The following GRM5 variants were observed in gnomAD, a reference collection of about 807,000 sequenced individuals.
GRM5 encodes glutamate metabotropic receptor 5, also known as metabotropic glutamate receptor 5.
A neutral mutation model predicts 83.1 loss-of-function variants in GRM5; 19 were observed. The ratio of observed to expected loss-of-function variants is 0.23; its 90% CI spans 0.16 to 0.34. The LOEUF (loss-of-function observed/expected upper bound fraction) is 0.34. Ranked by LOEUF, GRM5 falls within the 10% of genes least tolerant of loss-of-function variation. GRM5 has a pLI of 1.00. For missense variants in GRM5, 1,160 were observed against 1,588.3 expected, an observed-to-expected ratio of 0.73 and a Z score of 4.58; for synonymous variants, 675 against 633.6, an observed-to-expected ratio of 1.07 and a Z score of -0.98.
At chr11:88,765,194 T>C (rs1288487925) in intron 3 of GRM5, among the ~76,000 whole-genome samples, 1 of 151,292 alleles carries the variant, frequency 6.6e-6, no homozygotes, top group East Asian at 1.9e-4. Context: ...AGTAAGGATA[T>C]TGAGTCTGTA....
At chr11:88,599,874 G>T (rs180840061) in intron 5 of GRM5, among the ~76,000 whole-genome samples, 1 of 152,038 alleles carries the variant, frequency 6.6e-6, no homozygotes, top group Non-Finnish European at 1.5e-5. Flanking sequence ...TTAGCCGGGC[G>T]TGGTGGCAGG....
chr11:89,009,481 A>T (rs1940621768), intron 2 of GRM5, among the ~76,000 whole-genome samples: 1 of 152,212 alleles, frequency 6.6e-6, no homozygotes, highest in African/African-American at 2.4e-5. Context: ...AGATGAGAAA[A>T]CTAGGACTCA....
At chr11:88,851,674 C>T (rs1028740194) in intron 2 of GRM5, among the ~76,000 whole-genome samples, 1 of 152,208 alleles carries the variant, frequency 6.6e-6, no homozygotes, top group Admixed American at 6.5e-5. Flanking sequence ...TACCATACCA[C>T]AGGTACCTTG....
intron 2 of GRM5, among the ~76,000 whole-genome samples, chr11:88,987,386 G>A (rs1285336996): frequency 1.3e-5 from 2 of 152,162 alleles, no homozygotes; most frequent in Admixed American, 6.5e-5. Context: ...CTGATTGCTA[G>A]CACAGCAGTC....
chr11:88,593,788 CTCTCTTTT>C (rs142722149), intron 6 of GRM5, among the ~76,000 whole-genome samples: 74,491 of 142,190 alleles, frequency 0.52, 23,108 homozygotes, highest in South Asian at 0.77. Context: ...CTCTCTCTTT[CTCTCTTTT>C]TCTCTTTCTT....
intron 2 of GRM5, among the ~76,000 whole-genome samples, chr11:89,044,913 T>C (rs1244534570): frequency 6.6e-6 from 1 of 152,026 alleles, no homozygotes; most frequent in Non-Finnish European, 1.5e-5. Flanking sequence ...TGTATCCTGT[T>C]TGACTCTCAC....
chr11:88,598,375 T>C (rs1424835842), intron 5 of GRM5, among the ~76,000 whole-genome samples: 1 of 152,130 alleles, frequency 6.6e-6, no homozygotes, highest in Non-Finnish European at 1.5e-5. Flanking sequence ...CATCAATCTA[T>C]TGAAACTTAT....
chr11:88,906,071 T>C (rs571995854), intron 2 of GRM5, among the ~76,000 whole-genome samples: 103 of 152,332 alleles, frequency 6.8e-4, no homozygotes, highest in African/African-American at 2.4e-3. Context: ...AAGAGAAAGC[T>C]GAGTTATATT....
intron 3 of GRM5, among the ~76,000 whole-genome samples, chr11:88,729,287 G>C (rs1466407832): frequency 6.6e-6 from 1 of 151,618 alleles, no homozygotes; most frequent in African/African-American, 2.4e-5. Flanking sequence ...TTGCTACAAA[G>C]AGAATAAAAT....
At chr11:88,781,165 T>A (rs1269698215) in intron 3 of GRM5, among the ~76,000 whole-genome samples, 2 of 149,716 alleles carry the variant, frequency 1.3e-5, no homozygotes, top group African/African-American at 4.9e-5. Context: ...ATTTGGTGTA[T>A]CCTTTTGTGC....
At chr11:88,972,654 A>C (rs1225435799) in intron 2 of GRM5, among the ~76,000 whole-genome samples, 1 of 152,178 alleles carries the variant, frequency 6.6e-6, no homozygotes, top group African/African-American at 2.4e-5. Flanking sequence ...TCATTCAGGC[A>C]GAATTCATCA....
chr11:88,747,548 A>T (rs1033534682), intron 3 of GRM5, among the ~76,000 whole-genome samples: 2 of 152,176 alleles, frequency 1.3e-5, no homozygotes, highest in Non-Finnish European at 2.9e-5. Flanking sequence ...AAGTGTAAGG[A>T]CTACAAAGTG....
intron 8 of GRM5, among the ~76,000 whole-genome samples, chr11:88,556,534 G>A (rs759189021): frequency 4.6e-5 from 7 of 151,916 alleles, no homozygotes; most frequent in Non-Finnish European, 1.0e-4. Flanking sequence ...TGTTGGTCAG[G>A]CTGGTCTTAA....
intron 2 of GRM5, among the ~76,000 whole-genome samples, chr11:88,951,449 T>A (rs182125477): frequency 2.0e-5 from 3 of 152,362 alleles, no homozygotes; most frequent in Non-Finnish European, 4.4e-5. Flanking sequence ...TGTCTGCCAC[T>A]GAGCCTGCTG....
chr11:89,046,543 CA>C (rs552502968), intron 2 of GRM5, among the ~76,000 whole-genome samples: 270 of 152,276 alleles, frequency 1.8e-3, no homozygotes, highest in Non-Finnish European at 3.3e-3. Flanking sequence ...TATAAAACAT[CA>C]GTCAGATTTT....
intron 2 of GRM5, among the ~76,000 whole-genome samples, chr11:88,994,276 G>T (rs1194394139): frequency 1.3e-5 from 2 of 151,020 alleles, no homozygotes; most frequent in East Asian, 3.9e-4. Context: ...TGGATTAGAA[G>T]AATTAATATT....
chr11:88,637,127 A>G (rs1939150507), intron 4 of GRM5, among the ~76,000 whole-genome samples: 1 of 152,168 alleles, frequency 6.6e-6, no homozygotes, highest in African/African-American at 2.4e-5. Context: ...CATTGAATCT[A>G]TAAATTACCT....
At chr11:88,588,458 A>C (rs528703072) in intron 7 of GRM5, among the ~76,000 whole-genome samples, 1 of 152,272 alleles carries the variant, frequency 6.6e-6, no homozygotes, top group Admixed American at 6.5e-5. Flanking sequence ...CATGTGGCAT[A>C]AATCTAGGGG....
chr11:88,681,324 T>C (rs1940480245), intron 3 of GRM5, among the ~76,000 whole-genome samples: 1 of 152,046 alleles, frequency 6.6e-6, no homozygotes. Flanking sequence ...CTTCTGAAAG[T>C]CATCTTCTCT....
Sources: allele counts gnomAD v4.1 joint callset (sites outside exome capture counted in the v4.1 genomes callset), GRCh38; gene constraint gnomAD v4.1.1; transcripts MANE v1.5; gene names NCBI Gene and HGNC (gene_info 2026-07-23, HGNC 2026-07-21).